The following KDM2B variants were observed in gnomAD, a reference collection of about 807,000 sequenced individuals.
KDM2B encodes lysine-specific demethylase 2B.
KDM2B carries 26 observed loss-of-function variants against 150.0 expected under a neutral mutation model. The observed-to-expected ratio is 0.17, with a 90% CI of 0.13 to 0.24. The LOEUF (loss-of-function observed/expected upper bound fraction) is 0.24, where lower values mean the gene tolerates loss of function less well. Among genes scored for constraint, KDM2B ranks in the 10% least tolerant of loss-of-function variants. The pLI is 1.00. For synonymous variants in KDM2B, 734 were observed against 729.5 expected (o/e 1.01, Z -0.10); for missense variants, 1,265 against 1,816.9 (o/e 0.70, Z 5.52).
the KDM2B span, among the ~76,000 whole-genome samples, chr12:121,414,002 C>A: frequency 6.6e-6 from 1 of 152,192 alleles, no homozygotes; most frequent in Non-Finnish European, 1.5e-5. Context: ...TCTTTACCTT[C>A]TCCTTTCTTT....
intron 12 of KDM2B, chr12:121,470,174 A>G (rs1488291047): frequency 1.3e-5 from 2 of 152,080 alleles, no homozygotes; most frequent in Non-Finnish European, 2.9e-5. Flanking sequence ...ATTACCAATC[A>G]GGAGCAAAAG....
chr12:121,436,314 G>T (rs1873963237), intron 22 of KDM2B, among the ~76,000 whole-genome samples: 1 of 152,188 alleles, frequency 6.6e-6, no homozygotes, highest in African/African-American at 2.4e-5. Context: ...GAGGTCAGGA[G>T]ATCGAAACCA....
chr12:121,490,207 T>A (rs1883207864), intron 12 of KDM2B, among the ~76,000 whole-genome samples: 1 of 152,152 alleles, frequency 6.6e-6, no homozygotes, highest in African/African-American at 2.4e-5. Flanking sequence ...ATCGAGGGTG[T>A]GTTGCTTCCT....
In KDM2B at chr12:121,521,084, G is replaced by A; in HGVS notation, c.948C>T (p.Val316=). ...FFIPSGWIHA[V]YTPVDSLVFG... ...ACACCAAAGAGTCTACAGGGGTGTA[G>A]ACGGCATGGATCCAACCTGGGGTGG... is the stretch of plus-strand genomic sequence containing the variant. The change falls in exon 9 of 23, where the codon GTC becomes GTT. Residue 316 remains valine, a synonymous_variant. Transcript: ENST00000377071. The surrounding 1 kb of genome is among the most constrained non-coding windows in gnomAD (Gnocchi z 4.9). 1 of 1,613,686 alleles carries A rather than the reference G, an allele frequency of 6.2e-7. No homozygotes were observed.
intron 8 of KDM2B, among the ~76,000 whole-genome samples, chr12:121,522,271 T>TA (rs1886755061): frequency 6.6e-6 from 1 of 151,962 alleles, no homozygotes; most frequent in South Asian, 2.1e-4. Context: ...ATCCCAGCAC[T>TA]TTGGGAGGCC....
In KDM2B at chr12:121,549,042, C is replaced by A; in HGVS notation, c.577-59G>T. 2 of 1,402,384 alleles carry A rather than the reference C, an allele frequency of 1.4e-6. No individual in the cohort carries two copies. The highest frequency in any genetic ancestry group is 2.3e-5 in the East Asian group (1 of 43,698). The allele number at this position is 1,402,384 out of a possible 1,614,324, so 86.9% of individuals were successfully genotyped here. Reference sequence around the variant, plus strand: ...TCCACTGCCGAGCCAGACACAAATACCCCTTTCCCCGGAGAGTCCTTGGGC... The same window carrying A: ...TCCACTGCCGAGCCAGACACAAATAACCCTTTCCCCGGAGAGTCCTTGGGC... On this transcript the variant is annotated intron_variant, in intron 5 of 22. Transcript: ENST00000377071. The surrounding 1 kb of genome is among the most constrained non-coding windows in gnomAD (Gnocchi z 4.4).
At chr12:121,420,451 C>A in the KDM2B span, 54 of 1,552,468 alleles carry the variant, frequency 3.5e-5, no homozygotes, top group Non-Finnish European at 4.2e-5. Context: ...GAATGTAGGA[C>A]AGTATACTGA....
chr12:121,548,967 C>T lies in KDM2B; in HGVS notation c.593G>A (p.Trp198Ter). 1 of 1,614,124 alleles carries T rather than the reference C, an allele frequency of 6.2e-7. No individual in the cohort carries two copies. Among genetic ancestry groups the T allele is most frequent in the Non-Finnish European group, 8.5e-7 (1 of 1,179,944 alleles). ...KRPTVVDLVD[W>*]VDNMWPQHLK... ...ATGCTGGGGCCACATGTTGTCCACC[C>T]AGTCCACCAGGTCTACCTGAAAGCC... Residue 198 changes from tryptophan to a stop codon, truncating the protein, a stop_gained, in exon 6 of 23, where the codon TGG becomes TAG. Coordinates refer to ENST00000377071, the MANE Select transcript of KDM2B (RefSeq NM_032590.5). LOFTEE classifies it high-confidence loss of function.
downstream of KDM2B, among the ~76,000 whole-genome samples, chr12:121,428,550 G>C (rs376207857): frequency 3.9e-5 from 6 of 152,222 alleles, no homozygotes; most frequent in South Asian, 1.0e-3. Context: ...AGCAAGAAAA[G>C]GCTTCTTCCA....
At chr12:121,515,799 G>C (rs1408784015) in intron 9 of KDM2B, among the ~76,000 whole-genome samples, 1 of 151,998 alleles carries the variant, frequency 6.6e-6, no homozygotes, top group Non-Finnish European at 1.5e-5. Flanking sequence ...GGCTCTGCCT[G>C]CCTCTGATGG....
At chr12:121,531,918 C>T (rs188088640) in intron 8 of KDM2B, among the ~76,000 whole-genome samples, 2 of 152,168 alleles carry the variant, frequency 1.3e-5, no homozygotes, top group East Asian at 3.9e-4. Flanking sequence ...CATGGCAAAA[C>T]CCCACCTCTA....
intron 4 of KDM2B, among the ~76,000 whole-genome samples, chr12:121,557,029 C>A (rs1157558763): frequency 1.3e-5 from 2 of 152,010 alleles, no homozygotes; most frequent in Non-Finnish European, 2.9e-5. Flanking sequence ...AATCAGCACC[C>A]TCCCCTCCTC....
In KDM2B at chr12:121,442,028, T is replaced by C; in HGVS notation, c.3284+129A>G. Reference sequence around the variant, plus strand: ...GGGCCGCTGTAGCCAGCTGGAACGCTTTGCGGAGCACAATGAAGCCATACT... The same window carrying C: ...GGGCCGCTGTAGCCAGCTGGAACGCCTTGCGGAGCACAATGAAGCCATACT... On this transcript the variant is annotated intron_variant, in intron 19 of 22. Coordinates refer to ENST00000377071, the MANE Select transcript of KDM2B (RefSeq NM_032590.5). The surrounding 1 kb of genome is among the most constrained non-coding windows in gnomAD (Gnocchi z 7.7). 1.3e-6 allele frequency: 1 copy of C among 765,268 alleles called. No homozygotes were observed. The highest frequency in any genetic ancestry group is 2.2e-6 in the Non-Finnish European group (1 of 463,818). 47.4% of individuals were successfully genotyped at this position (765,268 alleles called of 1,614,324 possible).
rs782470004 is a variant in KDM2B at position 121,443,797 on chromosome 12, A to T, written c.2452-4T>A. 1.3e-6 allele frequency: 2 copies of T among 1,531,050 alleles called. No homozygotes were observed. Among genetic ancestry groups the T allele is most frequent in the East Asian group, 2.2e-5 (1 of 44,516 alleles). 94.8% of individuals were successfully genotyped at this position (1,531,050 alleles called of 1,614,324 possible). The stretch of plus-strand genomic sequence containing the variant: ...GGGACGTTTGAAGCGATGAGGCCTA[A>T]AGGGGGGTGGAGTGGGAAGAGGAGT... On this transcript the variant is annotated splice_region_variant and splice_polypyrimidine_tract_variant and intron_variant, in intron 16 of 22. Coordinates refer to ENST00000377071, the MANE Select transcript of KDM2B (RefSeq NM_032590.5).
In KDM2B at chr12:121,467,875, C is replaced by G. The variant is rs1880294031; in HGVS notation, c.1735-14531G>C. On this transcript the variant is annotated intron_variant, in intron 12 of 22. Coordinates refer to ENST00000377071, the MANE Select transcript of KDM2B (RefSeq NM_032590.5). The surrounding 1 kb of genome is among the most constrained non-coding windows in gnomAD (Gnocchi z 5.1). Reference sequence around the variant, plus strand: ...GGACCAGGACCTGAAGCGCACGAACCCGGGAACCCCCGACCCAGAGCCTGC... The same window carrying G: ...GGACCAGGACCTGAAGCGCACGAACGCGGGAACCCCCGACCCAGAGCCTGC... 3 of 152,340 alleles carry G rather than the reference C, an allele frequency of 2.0e-5. No homozygotes were observed. The highest frequency in any genetic ancestry group is 2.0e-4 in the Admixed American group (3 of 15,282). The allele number at this position is 152,340 out of a possible 1,614,324, so 9.4% of individuals were successfully genotyped here.
chr12:121,472,006 C>G (rs2139678117), intron 12 of KDM2B, among the ~76,000 whole-genome samples: 1 of 152,178 alleles, frequency 6.6e-6, no homozygotes, highest in East Asian at 1.9e-4. Flanking sequence ...GCCTATAATC[C>G]CAGCTACTCG....
chr12:121,463,310 C>A (rs1397046140), intron 12 of KDM2B, among the ~76,000 whole-genome samples: 1 of 149,736 alleles, frequency 6.7e-6, no homozygotes, highest in African/African-American at 2.5e-5. Context: ...AGCGAGACTC[C>A]GTCTCAAAAA....
At chr12:121,578,195 A>G (rs1555317138) in intron 2 of KDM2B, among the ~76,000 whole-genome samples, 2 of 152,210 alleles carry the variant, frequency 1.3e-5, no homozygotes, top group Non-Finnish European at 2.9e-5. Context: ...CGGCCCAGGT[A>G]GGGGTTCAGG....
the KDM2B span, among the ~76,000 whole-genome samples, chr12:121,419,590 T>G: frequency 6.6e-6 from 1 of 152,106 alleles, no homozygotes; most frequent in Non-Finnish European, 1.5e-5. Flanking sequence ...GTGGAATATT[T>G]GAAATTGGGA....
Sources: allele counts gnomAD v4.1 joint callset (sites outside exome capture counted in the v4.1 genomes callset), GRCh38; gene constraint gnomAD v4.1.1; non-coding constraint Gnocchi (gnomAD v3.1); transcripts MANE v1.5; gene names NCBI Gene and HGNC (gene_info 2026-07-23, HGNC 2026-07-21).